Variants in CGGBP1 observed in about 807,000 individuals in gnomAD.
CGGBP1 encodes CGG triplet repeat binding protein 1.
CGGBP1 carries 4 observed loss-of-function variants against 11.4 expected under a neutral mutation model. The ratio of observed to expected loss-of-function variants is 0.35; its 90% CI spans 0.17 to 0.80. The LOEUF (loss-of-function observed/expected upper bound fraction) is 0.80. CGGBP1 is among the 30% of genes least tolerant of loss of function. CGGBP1 has a pLI of 0.52. For synonymous variants in CGGBP1, 76 were observed against 74.1 expected, an observed-to-expected ratio of 1.03 and a Z score of -0.13; for missense variants, 135 against 202.1, an observed-to-expected ratio of 0.67 and a Z score of 2.01.
intron 2 of CGGBP1, among the ~76,000 whole-genome samples, chr3:88,119,385 TGGGGTGGGGGGAGG>T: frequency 1.2e-4 from 1 of 8,070 alleles, no homozygotes. Flanking sequence ...GGGACTGTTG[TGGGGTGGGGGGAGG>T]GGGGAGGGGG....
At chr3:88,067,552 C>T (rs1189715617) in intron 2 of CGGBP1, among the ~76,000 whole-genome samples, 1 of 152,188 alleles carries the variant, frequency 6.6e-6, no homozygotes, top group Non-Finnish European at 1.5e-5. Context: ...AAGGATGAGT[C>T]TTCAAATAAA....
intron 2 of CGGBP1, among the ~76,000 whole-genome samples, chr3:88,083,062 CCTCTTCTTCCTCA>C (rs1410865612): frequency 1.3e-5 from 2 of 151,912 alleles, no homozygotes; most frequent in Non-Finnish European, 2.9e-5. Context: ...CCTCTTCCTC[CCTCTTCTTCCTCA>C]CTCTTCCTCC....
At chr3:88,094,842 A>G (rs115342614) in intron 2 of CGGBP1, among the ~76,000 whole-genome samples, 8,656 of 152,094 alleles carry the variant, frequency 0.057, 272 homozygotes, top group Admixed American at 0.078. Context: ...GAACTAGACT[A>G]CAATATTATA....
At chr3:88,071,314 A>G (rs1707497043) in intron 2 of CGGBP1, among the ~76,000 whole-genome samples, 3 of 151,924 alleles carry the variant, frequency 2.0e-5, no homozygotes, top group African/African-American at 7.3e-5. Flanking sequence ...GTTTGAGACC[A>G]GCCTGGCCAA....
At chr3:88,142,482 C>G (rs1707180177) in intron 1 of CGGBP1, 1 of 152,330 alleles carries the variant, frequency 6.6e-6, no homozygotes, top group African/African-American at 2.4e-5. Context: ...AAGGAAAACA[C>G]TGAATTGCAA....
chr3:88,067,947 C>G (rs1490133422), intron 2 of CGGBP1, among the ~76,000 whole-genome samples: 1 of 150,984 alleles, frequency 6.6e-6, no homozygotes. Context: ...TGAGAATGAT[C>G]CATTTGAAAG....
rs78670676 is a variant in CGGBP1, at chr3:88,083,941, T to TTATATATATATATATA, written c.-228-25734_-228-25719dup. On this transcript the variant is annotated intron_variant, in intron 2 of 3. Coordinates refer to the CGGBP1 transcript ENST00000462901. Reference sequence around the variant, plus strand: ...AATAGGACAATGTAATGTACTTATTTTATATATATATATATATATATATAT... The same window carrying TTATATATATATATATA: ...AATAGGACAATGTAATGTACTTATTTTATATATATATATATATATATATATATATATATATATATAT... 5.5e-3 allele frequency among the ~76,000 whole-genome samples: 816 copies of TTATATATATATATATA among 147,600 alleles called. 2 individuals carry two copies. Among genetic ancestry groups the TTATATATATATATATA allele is most frequent in the African/African-American group, 7.1e-3 (284 of 40,092 alleles).
chr3:88,069,121 C>G (rs1194215560), intron 2 of CGGBP1, among the ~76,000 whole-genome samples: 1 of 130,536 alleles, frequency 7.7e-6, no homozygotes, highest in Non-Finnish European at 1.7e-5. Flanking sequence ...CAGAAGTTCC[C>G]CATCAGAAGT....
intron 3 of CGGBP1, 52 bp from the exon 4 acceptor site, chr3:88,056,051 G>C (rs1463568806): frequency 6.7e-6 from 9 of 1,345,988 alleles, no homozygotes; most frequent in Non-Finnish European, 9.1e-6. Flanking sequence ...GTTCATTCTG[G>C]AAGTAATGAA....
At chr3:88,063,427 G>T (rs1234991209), upstream of CGGBP1, among the ~76,000 whole-genome samples, 2 of 152,116 alleles carry the variant, frequency 1.3e-5, no homozygotes, top group African/African-American at 4.8e-5. Flanking sequence ...AAGAGAGTTT[G>T]TCCCATGGTA....
intron 2 of CGGBP1, chr3:88,140,877 C>G: frequency 6.2e-7 from 1 of 1,613,590 alleles, no homozygotes; most frequent in Non-Finnish European, 8.5e-7. Context: ...CAGAAAATTT[C>G]TGACTGATAG....
intron 2 of CGGBP1, among the ~76,000 whole-genome samples, chr3:88,091,216 T>C (rs1559703439): frequency 6.6e-6 from 1 of 152,212 alleles, no homozygotes; most frequent in Non-Finnish European, 1.5e-5. Flanking sequence ...GACTGTACTA[T>C]GTTAGCTGCC....
chr3:88,129,321 T>TAAAAAAA (rs11370327), intron 2 of CGGBP1, among the ~76,000 whole-genome samples: 2 of 76,948 alleles, frequency 2.6e-5, no homozygotes, highest in Non-Finnish European at 4.8e-5. Context: ...TTGCCAGGAG[T>TAAAAAAA]AAAAAAAAAA....
intron 2 of CGGBP1, among the ~76,000 whole-genome samples, chr3:88,098,441 A>C (rs1361344069): frequency 6.6e-6 from 1 of 152,218 alleles, no homozygotes; most frequent in Non-Finnish European, 1.5e-5. Context: ...AAACTATTCC[A>C]ATCAATAGAA....
intron 2 of CGGBP1, among the ~76,000 whole-genome samples, chr3:88,119,669 T>G (rs779226473): frequency 2.0e-5 from 3 of 152,154 alleles, no homozygotes; most frequent in Non-Finnish European, 4.4e-5. Context: ...ATTTTATATT[T>G]ATTTCTTTGT....
intron 2 of CGGBP1, among the ~76,000 whole-genome samples, chr3:88,121,494 C>G (rs576948546): frequency 7.9e-5 from 12 of 152,038 alleles, no homozygotes; most frequent in African/African-American, 2.9e-4. Flanking sequence ...ATAACTGTCC[C>G]CTTTATTTTA....
chr3:88,132,670 C>T (rs1706535147), intron 2 of CGGBP1, among the ~76,000 whole-genome samples: 1 of 152,208 alleles, frequency 6.6e-6, no homozygotes, highest in Non-Finnish European at 1.5e-5. Context: ...TAGGATATTG[C>T]AGTGTACCTA....
At chr3:88,059,479 C>T (rs1395034348), upstream of CGGBP1, 5 of 1,514,044 alleles carry the variant, frequency 3.3e-6, no homozygotes, top group Admixed American at 4.4e-5. Flanking sequence ...AATCAGCAGT[C>T]GGGATTACTG....
intron 2 of CGGBP1, among the ~76,000 whole-genome samples, chr3:88,117,926 C>T (rs1438772594): frequency 7.4e-6 from 1 of 135,890 alleles, no homozygotes; most frequent in Non-Finnish European, 1.6e-5. Flanking sequence ...CTTACCAGTA[C>T]TATTGCCCAA....
Sources: gnomAD v4.1 joint callset for allele counts (sites outside exome capture counted in the v4.1 genomes callset) on GRCh38, gnomAD v4.1.1 for gene constraint, MANE v1.5 for transcripts, NCBI Gene and HGNC (gene_info 2026-07-23, HGNC 2026-07-21) for gene names.